Variants in DMD observed in about 807,000 individuals in gnomAD.
DMD encodes the protein dystrophin, also known as mutant dystrophin.
Under a neutral mutation model 330.1 loss-of-function variants are expected in DMD, and 63 were observed. The ratio of observed to expected loss-of-function variants is 0.19; its 90% CI spans 0.16 to 0.24. The LOEUF is 0.24. Ranked by LOEUF, DMD falls within the 10% of genes least tolerant of loss-of-function variation. The pLI is 1.00. For missense variants in DMD, 3,344 were observed against 2,684.1 expected (o/e 1.25, Z -5.43); for synonymous variants, 1,223 against 959.8 (o/e 1.27, Z -5.07).
intron 63 of DMD, among the ~76,000 whole-genome samples, chrX:31,254,810 T>C (rs1300883633): frequency 9.1e-6 from 1 of 110,451 alleles, no homozygotes; most frequent in Admixed American, 9.7e-5. Context: ...GAGGCCAAGG[T>C]GGGAGGATCG....
chrX:32,106,552 C>T (rs370361604), intron 44 of DMD, among the ~76,000 whole-genome samples: 4 of 111,453 alleles, frequency 3.6e-5, no homozygotes, highest in African/African-American at 1.3e-4. Flanking sequence ...GAGTAGGGGA[C>T]CATAAGAATC....
At chrX:32,478,688 T>G (rs912670834) in intron 21 of DMD, among the ~76,000 whole-genome samples, 1 of 111,812 alleles carries the variant, frequency 8.9e-6, no homozygotes, top group Non-Finnish European at 1.9e-5. Flanking sequence ...CCCAATTTCC[T>G]ATCAAAATCA....
At chrX:31,925,702 T>C (rs965112314) in intron 47 of DMD, among the ~76,000 whole-genome samples, 4 of 109,453 alleles carry the variant, frequency 3.7e-5, no homozygotes, top group African/African-American at 1.3e-4. Context: ...TGAAACCCCG[T>C]CTCTACTTAA....
At chrX:32,031,901 T>G (rs1403907431) in intron 44 of DMD, among the ~76,000 whole-genome samples, 1 of 112,214 alleles carries the variant, frequency 8.9e-6, no homozygotes, top group African/African-American at 3.2e-5. Flanking sequence ...CTAAAAGGTC[T>G]TTGTACACCT....
intron 44 of DMD, among the ~76,000 whole-genome samples, chrX:32,127,336 T>C (rs1267730227): frequency 2.7e-5 from 3 of 111,597 alleles, no homozygotes; most frequent in Non-Finnish European, 5.7e-5. Context: ...AAATCAGAAG[T>C]GTCTCTCACT....
intron 1 of DMD, among the ~76,000 whole-genome samples, chrX:33,069,357 G>A (rs1450429804): frequency 9.0e-6 from 1 of 111,437 alleles, no homozygotes; most frequent in African/African-American, 3.3e-5. Context: ...ATTTCCCAAG[G>A]ATGTTCACGT....
chrX:33,227,573 C>T (rs1219777941), intron 1 of DMD, among the ~76,000 whole-genome samples: 1 of 111,020 alleles, frequency 9.0e-6, no homozygotes, highest in Non-Finnish European at 1.9e-5. Context: ...TTTTTGAAGA[C>T]TTCTATGAAA....
chrX:31,760,257 T>A (rs2089466726), intron 51 of DMD, among the ~76,000 whole-genome samples: 1 of 112,092 alleles, frequency 8.9e-6, no homozygotes, highest in Non-Finnish European at 1.9e-5. Flanking sequence ...AAATATTTTT[T>A]AACCACTTTA....
At chrX:33,064,600 C>A (rs1382388794) in intron 1 of DMD, among the ~76,000 whole-genome samples, 1 of 112,022 alleles carries the variant, frequency 8.9e-6, no homozygotes, top group Non-Finnish European at 1.9e-5. Context: ...ATTTAAAATG[C>A]ATTGATGGCC....
At chrX:32,996,356 A>G (rs1169146908) in intron 2 of DMD, among the ~76,000 whole-genome samples, 2 of 112,142 alleles carry the variant, frequency 1.8e-5, no homozygotes, top group Non-Finnish European at 3.8e-5. Flanking sequence ...TACTTAAAAA[A>G]GTAATATAGT....
chrX:32,691,275 T>C (rs1185958496), intron 9 of DMD, among the ~76,000 whole-genome samples: 1 of 108,512 alleles, frequency 9.2e-6, no homozygotes, highest in African/African-American at 3.4e-5. Context: ...TATTAACAAC[T>C]GGTTATCTTC....
chrX:32,124,466 A>G (rs1429308071), intron 44 of DMD, among the ~76,000 whole-genome samples: 1 of 112,026 alleles, frequency 8.9e-6, no homozygotes, highest in Non-Finnish European at 1.9e-5. Flanking sequence ...CCTGAGCGAA[A>G]CTAGGGTTAC....
rs59017074 is a variant in DMD, at chrX:32,123,202, CATATATATATATATATAT to C, written c.6438+93696_6438+93713del. ...TAAGGTGAATGGTTTTGTGAGCATG[CATATATATATATATATAT>C]ATATATATATATATATATATATAAA... On this transcript the variant is annotated intron_variant, in intron 44 of 78. Transcript: ENST00000357033. Among the ~76,000 whole-genome samples, 117 of 32,562 alleles carry C rather than the reference CATATATATATATATATAT, an allele frequency of 3.6e-3. 2 individuals are homozygous for C. The highest frequency in any genetic ancestry group is 0.015 in the African/African-American group (106 of 7,099). The allele number at this position is 32,562 out of a possible 115,157, so 28.3% of individuals were successfully genotyped here.
At chrX:31,166,880 T>G (rs1188360580) in intron 74 of DMD, among the ~76,000 whole-genome samples, 1 of 111,810 alleles carries the variant, frequency 8.9e-6, no homozygotes, top group Admixed American at 9.5e-5. Context: ...ACACAAAGAT[T>G]TGCATCAACC....
At chrX:32,537,709 T>C (rs756731095) in intron 17 of DMD, among the ~76,000 whole-genome samples, 1 of 111,847 alleles carries the variant, frequency 8.9e-6, no homozygotes, top group Non-Finnish European at 1.9e-5. Context: ...GGTCTTCTGA[T>C]TAAAAACTGA....
At chrX:31,945,273 G>C (rs2150067977) in intron 45 of DMD, among the ~76,000 whole-genome samples, 1 of 112,339 alleles carries the variant, frequency 8.9e-6, no homozygotes, top group African/African-American at 3.2e-5. Context: ...TACTTGATGA[G>C]GTAGTTAACA....
chrX:33,163,808 A>C (rs1366822919), intron 1 of DMD, among the ~76,000 whole-genome samples: 1 of 109,805 alleles, frequency 9.1e-6, no homozygotes, highest in East Asian at 2.9e-4. Context: ...CATGTAAGTC[A>C]ACCCACTCAT....
Position 32,485,115 on chromosome X carries a change from T to A in DMD, c.2623-16A>T. On this transcript the variant is annotated splice_polypyrimidine_tract_variant and intron_variant, in intron 20 of 78. Coordinates refer to ENST00000357033, the MANE Select transcript of DMD (RefSeq NM_004006.3). ...TGACTTCATCCTGTGCCATAGAGTATGGAAAGTAAGTAACACGTTTACTTT... is the reference window on the plus strand; with the variant it reads ...TGACTTCATCCTGTGCCATAGAGTAAGGAAAGTAAGTAACACGTTTACTTT... 1 of 1,201,064 alleles carries A rather than the reference T, an allele frequency of 8.3e-7. No individual in the cohort carries two copies. The highest frequency in any genetic ancestry group is 1.1e-6 in the Non-Finnish European group (1 of 885,869).
chrX:31,959,861 T>C (rs2095285267), intron 45 of DMD, among the ~76,000 whole-genome samples: 1 of 101,847 alleles, frequency 9.8e-6, no homozygotes. Context: ...GCCTCCCGGG[T>C]TCGAGCAACT....
Sources: gnomAD v4.1 joint callset for allele counts (sites outside exome capture counted in the v4.1 genomes callset) on GRCh38, gnomAD v4.1.1 for gene constraint, MANE v1.5 for transcripts, NCBI Gene and HGNC (gene_info 2026-07-23, HGNC 2026-07-21) for gene names.